The following PLSCR2 variants were observed in gnomAD, a reference collection of about 807,000 sequenced individuals.
PLSCR2 encodes the protein PL scramblase 2.
In PLSCR2, 18 loss-of-function variants were observed where a neutral mutation model predicts 25.3. The observed-to-expected ratio is 0.71, with a 90% CI of 0.49 to 1.06. The LOEUF is 1.06. Among genes scored for constraint, PLSCR2 ranks in the 50% least tolerant of loss-of-function variants. The probability of loss-of-function intolerance (pLI) is 0.00; values close to 1 mark genes in which losing one functional copy is unlikely to be tolerated. For missense variants in PLSCR2, 243 were observed against 269.5 expected (o/e 0.90, Z 0.69); for synonymous variants, 88 against 87.3 (o/e 1.01, Z -0.04).
At chr3:146,438,959 AG>A (rs980002754), downstream of PLSCR2, among the ~76,000 whole-genome samples, 51 of 152,266 alleles carry the variant, frequency 3.3e-4, no homozygotes, top group African/African-American at 1.2e-3. Context: ...AGCTCTTGTA[AG>A]GCAGGCCTGG....
chr3:146,475,720 T>C (rs2042263044), intron 1 of PLSCR2, among the ~76,000 whole-genome samples: 1 of 152,200 alleles, frequency 6.6e-6, no homozygotes, highest in East Asian at 1.9e-4. Context: ...CTCCCAGCCT[T>C]TTCCAAAAGG....
At chr3:146,457,864 T>G (rs2041308381) in intron 3 of PLSCR2, among the ~76,000 whole-genome samples, 1 of 152,118 alleles carries the variant, frequency 6.6e-6, no homozygotes, top group South Asian at 2.1e-4. Flanking sequence ...TTAGGACAGA[T>G]GCTTATCATA....
In PLSCR2 at chr3:146,451,455, A is replaced by T. The variant is rs141765123; in HGVS notation, c.484-2088T>A. ...TGCTTCCTGACACAGAATTTCTAAA[A>T]TGCTCATAACTTTCTAAGTGATAGG... On this transcript the variant is annotated intron_variant, in intron 5 of 6. Transcript: ENST00000610787. Among the ~76,000 whole-genome samples, 1,038 of 142,438 alleles carry T rather than the reference A, an allele frequency of 7.3e-3. 8 individuals carry two copies. The highest frequency in any genetic ancestry group is 0.022 in the South Asian group (84 of 3,866). 93.4% of individuals were successfully genotyped at this position (142,438 alleles called of 152,430 possible).
chr3:146,462,833 T>C (rs1292409088), upstream of PLSCR2, among the ~76,000 whole-genome samples: 1 of 152,202 alleles, frequency 6.6e-6, no homozygotes, highest in African/African-American at 2.4e-5. Context: ...GAAGAAATGC[T>C]GCGAGCTAAG....
intron 2 of PLSCR2, among the ~76,000 whole-genome samples, chr3:146,404,160 T>C (rs922878102): frequency 6.6e-6 from 1 of 152,210 alleles, no homozygotes; most frequent in African/African-American, 2.4e-5. Context: ...CTTGTCCAAG[T>C]GTGTGCTCAC....
downstream of PLSCR2, among the ~76,000 whole-genome samples, chr3:146,437,894 T>G (rs1332626188): frequency 2.0e-5 from 3 of 152,248 alleles, no homozygotes; most frequent in Non-Finnish European, 4.4e-5. Flanking sequence ...CTTTCCTGCT[T>G]TCTCTTGTGG....
chr3:146,394,103 A>G (rs2038192622), intron 3 of PLSCR2, among the ~76,000 whole-genome samples: 1 of 151,878 alleles, frequency 6.6e-6, no homozygotes, highest in Non-Finnish European at 1.5e-5. Flanking sequence ...TTGGAGTCTT[A>G]ATGTCTTTTT....
exon 1 of PLSCR2, chr3:146,460,302 C>A: frequency 9.7e-7 from 1 of 1,033,178 alleles, no homozygotes; most frequent in Non-Finnish European, 1.3e-6. Flanking sequence ...TAGAGTCGGC[C>A]TAGAGCTTTA....
chr3:146,433,235 T>C (rs1479036187), downstream of PLSCR2: 1 of 152,180 alleles, frequency 6.6e-6, no homozygotes, highest in Non-Finnish European at 1.5e-5. Context: ...TATGCCTGTT[T>C]CAGAAACAAA....
At chr3:146,402,620 A>G (rs559558284) in intron 2 of PLSCR2, among the ~76,000 whole-genome samples, 101 of 152,188 alleles carry the variant, frequency 6.6e-4, no homozygotes, top group African/African-American at 2.3e-3. Flanking sequence ...GGCGCGTGCC[A>G]CCATACCCAG....
chr3:146,421,569 T>G (rs1388705499), intron 2 of PLSCR2, among the ~76,000 whole-genome samples: 1 of 152,042 alleles, frequency 6.6e-6, no homozygotes, highest in African/African-American at 2.4e-5. Flanking sequence ...ACAGGTAAGT[T>G]GAAACGGTTT....
downstream of PLSCR2, among the ~76,000 whole-genome samples, chr3:146,429,568 TG>T (rs1299484723): frequency 6.6e-6 from 1 of 152,182 alleles, no homozygotes; most frequent in African/African-American, 2.4e-5. Context: ...TTACCCTGGC[TG>T]CTTCTAACAG....
At chr3:146,478,111 A>C (rs951775770) in intron 1 of PLSCR2, among the ~76,000 whole-genome samples, 2 of 152,170 alleles carry the variant, frequency 1.3e-5, no homozygotes, top group Admixed American at 6.5e-5. Context: ...TAGGTCACCA[A>C]CATCAAAGAC....
intron 3 of PLSCR2, among the ~76,000 whole-genome samples, chr3:146,395,238 T>C (rs2038233593): frequency 2.0e-5 from 3 of 152,070 alleles, no homozygotes; most frequent in Admixed American, 2.0e-4. Flanking sequence ...AAAAATAAAA[T>C]AATAGCAAAT....
Position 146,449,355 on chromosome 3 carries a change from C to T in PLSCR2, c.496G>A (p.Asp166Asn), listed in dbSNP as rs374119981. 1.2e-5 allele frequency: 17 copies of T among 1,473,550 alleles called. No homozygotes were observed. In the South Asian group the frequency reaches 1.5e-4, roughly 13 times the overall value. The allele number at this position is 1,473,550 out of a possible 1,614,324, so 91.3% of individuals were successfully genotyped here. A position where few individuals can be genotyped will look rare whatever the true frequency, so the allele number is the denominator to read the frequency against. The change falls in exon 6 of 7, where the codon GAT (aspartate) becomes AAT (asparagine). Residue 166 changes from aspartate to asparagine, a missense_variant. Coordinates refer to ENST00000610787, the Ensembl canonical transcript of PLSCR2. ...ATCCTGCCAACCACAATTTGTTCAT[C>T]AAGAGATGTAATCTAAATTGCAAAA...
At chr3:146,423,929 C>T (rs2039247104) in intron 2 of PLSCR2, among the ~76,000 whole-genome samples, 2 of 152,044 alleles carry the variant, frequency 1.3e-5, no homozygotes, top group African/African-American at 4.8e-5. Context: ...TTAATCTTCT[C>T]AGGCTGCCCA....
downstream of PLSCR2, among the ~76,000 whole-genome samples, chr3:146,436,835 G>A (rs913045720): frequency 6.6e-6 from 1 of 152,146 alleles, no homozygotes; most frequent in African/African-American, 2.4e-5. Context: ...GTGAGAGAGG[G>A]CATCCTTGTC....
chr3:146,483,428 AATATAT>A (rs546837366), intron 1 of PLSCR2, among the ~76,000 whole-genome samples: 1 of 103,706 alleles, frequency 9.6e-6, no homozygotes, highest in East Asian at 2.7e-4. Context: ...ACTTAAACTT[AATATAT>A]ATATATATAC....
chr3:146,438,709 G>A (rs1053632998), downstream of PLSCR2, among the ~76,000 whole-genome samples: 3 of 152,110 alleles, frequency 2.0e-5, no homozygotes, highest in Non-Finnish European at 4.4e-5. Context: ...GCACACTGAT[G>A]GGTCTTGACT....
Sources: gnomAD v4.1 joint callset for allele counts (sites outside exome capture counted in the v4.1 genomes callset) on GRCh38, gnomAD v4.1.1 for gene constraint, MANE v1.5 for transcripts, NCBI Gene and HGNC (gene_info 2026-07-23, HGNC 2026-07-21) for gene names.